BATF: variants seen among roughly 807,000 people sequenced by gnomAD.
The protein encoded by BATF is basic leucine zipper transcriptional factor ATF-like.
A neutral mutation model predicts 13.7 loss-of-function variants in BATF; 5 were observed. The observed-to-expected ratio is 0.36, with a 90% CI of 0.19 to 0.77. The LOEUF (loss-of-function observed/expected upper bound fraction) is 0.77, where lower values mean the gene tolerates loss of function less well. BATF is among the 30% of genes least tolerant of loss of function. BATF has a pLI of 0.51. For missense variants in BATF, 124 were observed against 163.0 expected (o/e 0.76, Z 1.30); for synonymous variants, 72 against 67.5 (o/e 1.07, Z -0.33).
intron 2 of BATF, among the ~76,000 whole-genome samples, chr14:75,540,298 G>A (rs1029355035): frequency 6.6e-6 from 1 of 152,128 alleles, no homozygotes; most frequent in African/African-American, 2.4e-5. Flanking sequence ...CGCTCTGTGA[G>A]TGACCCCCTC....
At chr14:75,539,424 ATTTTT>A (rs1162218076) in intron 2 of BATF, among the ~76,000 whole-genome samples, 2 of 58,544 alleles carry the variant, frequency 3.4e-5, no homozygotes, top group East Asian at 6.8e-4. Context: ...GTAAGCTGGA[ATTTTT>A]TTTTTTTTTT....
At chr14:75,524,577 G>C (rs1349395027) in intron 1 of BATF, among the ~76,000 whole-genome samples, 1 of 152,140 alleles carries the variant, frequency 6.6e-6, no homozygotes, top group African/African-American at 2.4e-5. Flanking sequence ...ATATAAAATG[G>C]AAATGATGAT....
At chr14:75,523,243 A>AAGG (rs1291266073) in intron 1 of BATF, among the ~76,000 whole-genome samples, 15 of 151,530 alleles carry the variant, frequency 9.9e-5, no homozygotes, top group Non-Finnish European at 2.1e-4. Flanking sequence ...GAAGAGGAAG[A>AAGG]AGGAGGAGGA....
chr14:75,531,142 G>A (rs946857876), intron 2 of BATF, among the ~76,000 whole-genome samples: 6 of 152,080 alleles, frequency 3.9e-5, no homozygotes, highest in East Asian at 1.9e-4. Context: ...CAATCTTGAC[G>A]TTATCTTTTG....
At chr14:75,526,163 T>C (rs1205717426) in intron 2 of BATF, among the ~76,000 whole-genome samples, 1 of 152,168 alleles carries the variant, frequency 6.6e-6, no homozygotes, top group Non-Finnish European at 1.5e-5. Flanking sequence ...CTAGATGGTG[T>C]TTCTAGGTTC....
chr14:75,536,142 A>T (rs544441219), intron 2 of BATF, among the ~76,000 whole-genome samples: 1 of 152,308 alleles, frequency 6.6e-6, no homozygotes, highest in East Asian at 1.9e-4. Context: ...ACAAATAAAC[A>T]CACTAATCAC....
intron 1 of BATF, 135 bp downstream of exon 1, chr14:75,522,880 G>T: frequency 1.9e-6 from 2 of 1,039,536 alleles, no homozygotes. Context: ...GTTAGACTTA[G>T]GACATGGAAT....
rs748744681 is a variant in BATF at position 75,546,553 on chromosome 14, A to G, written c.260A>G (p.Asn87Ser). The change falls in exon 3 of 3, where the codon AAC becomes AGC. Residue 87 changes from asparagine to serine, a missense_variant. By Grantham distance (46) the Asn-to-Ser change is conservative. Coordinates refer to ENST00000286639, the MANE Select transcript of BATF (RefSeq NM_006399.5). ...CTGAAGTACTTCACGTCGGTGCTGA[A>G]CAGCCACGAGCCCCTGTGCTCGGTG... ...EELKYFTSVL[N>S]SHEPLCSVLA... 2 of 1,613,972 alleles carry G rather than the reference A, an allele frequency of 1.2e-6. No individual in the cohort carries two copies. The highest frequency in any genetic ancestry group is 1.7e-5 in the Admixed American group (1 of 60,024).
Position 75,546,489 on chromosome 14 carries a change from G to C in BATF, c.196G>C (p.Ala66Pro). 6.2e-7 allele frequency: 1 copy of C among 1,614,156 alleles called. No individual in the cohort carries two copies. The highest frequency in any genetic ancestry group is 8.5e-7 in the Non-Finnish European group (1 of 1,180,036). ...GAGCGAAGACCTGGAGAAACAGAAC[G>C]CGGCTCTACGCAAGGAGATCAAGCA... ...LESEDLEKQN[A>P]ALRKEIKQLT... is the part of the protein sequence containing the mutation. Residue 66 changes from alanine (A) to proline (P), a missense_variant, in exon 3 of 3, where the codon GCG (alanine) becomes CCG (proline). Around this residue, in one of 2 missense-constraint regions of BATF, gnomAD observed 65 missense variants for 113.3 expected, o/e 0.57. Coordinates refer to ENST00000286639, the MANE Select transcript of BATF (RefSeq NM_006399.5).
chr14:75,534,777 C>A (rs763935988), intron 2 of BATF, among the ~76,000 whole-genome samples: 2 of 152,178 alleles, frequency 1.3e-5, no homozygotes, highest in Non-Finnish European at 2.9e-5. Flanking sequence ...CTTGATATGA[C>A]CCCTTTTCAG....
At chr14:75,528,444 G>C (rs1453977884) in intron 2 of BATF, among the ~76,000 whole-genome samples, 1 of 152,144 alleles carries the variant, frequency 6.6e-6, no homozygotes, top group Non-Finnish European at 1.5e-5. Flanking sequence ...TACATCGATT[G>C]CTTTAAAAAT....
intron 2 of BATF, among the ~76,000 whole-genome samples, chr14:75,538,895 G>A (rs900093013): frequency 3.3e-5 from 5 of 152,042 alleles, no homozygotes; most frequent in Admixed American, 6.6e-5. Flanking sequence ...AGCGAGACAC[G>A]GTCTCAAAAA....
intron 2 of BATF, among the ~76,000 whole-genome samples, chr14:75,528,704 A>T (rs1286955648): frequency 6.6e-6 from 1 of 152,276 alleles, no homozygotes; most frequent in East Asian, 1.9e-4. Context: ...AGAGAAAGGC[A>T]TAACTTGACC....
chr14:75,539,870 C>A (rs1333775326), intron 2 of BATF, among the ~76,000 whole-genome samples: 1 of 152,104 alleles, frequency 6.6e-6, no homozygotes, highest in South Asian at 2.1e-4. Flanking sequence ...AAGAGTCGTA[C>A]TTTTCAGTTG....
chr14:75,529,123 A>G (rs1887695935), intron 2 of BATF, among the ~76,000 whole-genome samples: 1 of 152,226 alleles, frequency 6.6e-6, no homozygotes, highest in South Asian at 2.1e-4. Flanking sequence ...GTTTCCAGTG[A>G]AAAAAAATCA....
chr14:75,545,295 C>T (rs1386268737), intron 2 of BATF, among the ~76,000 whole-genome samples: 1 of 151,888 alleles, frequency 6.6e-6, no homozygotes, highest in Non-Finnish European at 1.5e-5. Context: ...GATCTCGGCT[C>T]ACTGCAGCCT....
At position 75,546,621 on chromosome 14, in the gene BATF, G is replaced by A. The variant is rs778344386; in HGVS notation, c.328G>A (p.Ala110Thr). Residue 110 changes from alanine (A) to threonine (T), a missense_variant, in exon 3 of 3, where the codon GCC (alanine) becomes ACC (threonine). By Grantham distance (58) the Ala-to-Thr change is moderately conservative. Around this residue, in one of 2 missense-constraint regions of BATF, gnomAD observed 59 missense variants for 49.7 expected, o/e 1.19. Transcript: ENST00000286639. ...CTCGCCCCCCGAGGTGGTGTACAGC[G>A]CCCACGCATTCCACCAACCTCATGT... Reference protein sequence around the residue: ...TPSPPEVVYSAHAFHQPHVSS... With the variant: ...TPSPPEVVYSTHAFHQPHVSS... 1 of 1,613,100 alleles carries A rather than the reference G, an allele frequency of 6.2e-7. No homozygotes were observed. The highest frequency in any genetic ancestry group is 1.1e-5 in the South Asian group (1 of 90,950).
At chr14:75,543,528 C>T (rs1166189915) in intron 2 of BATF, among the ~76,000 whole-genome samples, 1 of 152,136 alleles carries the variant, frequency 6.6e-6, no homozygotes, top group African/African-American at 2.4e-5. Flanking sequence ...TAGCCTACAG[C>T]TCATGCACCT....
intron 1 of BATF, 47 bp downstream of exon 1, chr14:75,522,792 G>C: frequency 6.2e-7 from 1 of 1,609,610 alleles, no homozygotes. Context: ...TCTCCTGGGG[G>C]ATGGAAAGAG....
Sources: gnomAD v4.1 joint callset for allele counts (sites outside exome capture counted in the v4.1 genomes callset) on GRCh38, gnomAD v4.1.1 for gene constraint, gnomAD v4.1.1 regional missense constraint, MANE v1.5 for transcripts, NCBI Gene and HGNC (gene_info 2026-07-23, HGNC 2026-07-21) for gene names.